Variants in PTPRN2 observed in about 807,000 individuals in gnomAD.
PTPRN2 encodes the protein protein tyrosine phosphatase receptor type N2, also known as receptor-type tyrosine-protein phosphatase N2.
PTPRN2 carries 74 observed loss-of-function variants against 118.8 expected under a neutral mutation model. That is an observed-to-expected ratio of 0.62 (90% CI 0.52 to 0.76). The LOEUF (loss-of-function observed/expected upper bound fraction) is 0.76. Among genes scored for constraint, PTPRN2 ranks in the 30% least tolerant of loss-of-function variants. The probability of loss-of-function intolerance (pLI) is 0.00; values close to 1 mark genes in which losing one functional copy is unlikely to be tolerated. For synonymous variants in PTPRN2, 641 were observed against 608.0 expected (o/e 1.05, Z -0.80); for missense variants, 1,481 against 1,394.4 (o/e 1.06, Z -0.99).
chr7:157,873,503 G>C (rs950852050), intron 12 of PTPRN2, among the ~76,000 whole-genome samples: 1 of 151,350 alleles, frequency 6.6e-6, no homozygotes, highest in African/African-American at 2.4e-5. Flanking sequence ...CCGTCTCGCC[G>C]TGGGGGCCGG....
At chr7:157,841,861 C>T (rs752886118) in intron 12 of PTPRN2, among the ~76,000 whole-genome samples, 9 of 151,976 alleles carry the variant, frequency 5.9e-5, no homozygotes, top group South Asian at 2.1e-4. Flanking sequence ...TTCCTTCCTG[C>T]GGGCCTGCAG....
intron 12 of PTPRN2, among the ~76,000 whole-genome samples, chr7:157,810,064 CA>C (rs1214146541): frequency 6.6e-6 from 1 of 152,208 alleles, no homozygotes; most frequent in Non-Finnish European, 1.5e-5. Flanking sequence ...GCAGAGAGGA[CA>C]GGGGAGCTTC....
chr7:158,219,487 A>G (rs1293025987), intron 3 of PTPRN2, among the ~76,000 whole-genome samples: 1 of 152,006 alleles, frequency 6.6e-6, no homozygotes, highest in Non-Finnish European at 1.5e-5. Context: ...AATTAACAAC[A>G]TAACATTACA....
chr7:157,582,095 AAAC>A (rs751050703), intron 17 of PTPRN2, among the ~76,000 whole-genome samples: 185 of 152,302 alleles, frequency 1.2e-3, no homozygotes, highest in Non-Finnish European at 1.9e-3. Context: ...TGTTGTTTTA[AAAC>A]AACGAGTTTG....
chr7:157,967,719 G>A (rs1802047397), intron 11 of PTPRN2, among the ~76,000 whole-genome samples: 1 of 152,180 alleles, frequency 6.6e-6, no homozygotes, highest in Admixed American at 6.6e-5. Context: ...TACCTAAAAA[G>A]AGAAAAACTC....
At chr7:157,543,464 C>T (rs1798109064) in intron 22 of PTPRN2, among the ~76,000 whole-genome samples, 2 of 152,206 alleles carry the variant, frequency 1.3e-5, no homozygotes. Context: ...CGCCCCTTCT[C>T]AGGCTGTCCT....
intron 2 of PTPRN2, among the ~76,000 whole-genome samples, chr7:158,417,243 C>T (rs1814748893): frequency 1.3e-5 from 2 of 152,076 alleles, no homozygotes; most frequent in Non-Finnish European, 2.9e-5. Flanking sequence ...TCTCAGTGTC[C>T]TGCTGTGTTA....
At position 157,858,117 on chromosome 7, in the gene PTPRN2, GCCACCACCCACA is replaced by G. The variant is rs1321804434; in HGVS notation, c.1788+40544_1788+40555del. Among the ~76,000 whole-genome samples the G allele has an allele frequency of 1.1e-3, 102 of 89,518 alleles. 1 individual carries two copies. Among genetic ancestry groups the G allele is most frequent in the African/African-American group, 2.4e-3 (51 of 20,856 alleles). 58.7% of individuals were successfully genotyped at this position (89,518 alleles called of 152,430 possible). A position where few individuals can be genotyped will look rare whatever the true frequency, so the allele number is the denominator to read the frequency against. ...ACACTCCTGCAGGGAGAGCCTCCCA[GCCACCACCCACA>G]CTCCTGCAGGGAGAGCCCCGTCACC... On this transcript the variant is annotated intron_variant, in intron 12 of 22. Transcript: ENST00000389418.
chr7:158,302,596 G>T (rs1344623510), intron 3 of PTPRN2, among the ~76,000 whole-genome samples: 1 of 152,230 alleles, frequency 6.6e-6, no homozygotes, highest in African/African-American at 2.4e-5. Context: ...AGGGCATGTA[G>T]GACCACCCTC....
chr7:157,652,258 C>T (rs1419139764), intron 14 of PTPRN2, among the ~76,000 whole-genome samples: 3 of 152,236 alleles, frequency 2.0e-5, no homozygotes, highest in African/African-American at 4.8e-5. Flanking sequence ...TCAGCACAAC[C>T]CCTTCCTCTC....
At chr7:157,650,792 G>C (rs911514885) in intron 14 of PTPRN2, among the ~76,000 whole-genome samples, 2 of 152,254 alleles carry the variant, frequency 1.3e-5, no homozygotes, top group Non-Finnish European at 2.9e-5. Context: ...GCTGCAGCTG[G>C]TGACTTGCAG....
At position 158,276,303 on chromosome 7, in the gene PTPRN2, C is replaced by T. The variant is rs542827778; in HGVS notation, c.277+40516G>A. 2.2e-3 allele frequency among the ~76,000 whole-genome samples: 161 copies of T among 71,700 alleles called. 15 individuals carry two copies. Among genetic ancestry groups the T allele is most frequent in the African/African-American group, 6.1e-3 (148 of 24,274 alleles). The allele number at this position is 71,700 out of a possible 152,430, so 47.0% of individuals were successfully genotyped here. A position where few individuals can be genotyped will look rare whatever the true frequency, so the allele number is the denominator to read the frequency against. On this transcript the variant is annotated intron_variant, in intron 3 of 22. Transcript: ENST00000389418. The stretch of plus-strand genomic sequence containing the variant: ...GCTGTAAGGCAGCACCCCCACACCC[C>T]GGCCCCGACAGGCTGTAATGTATCA...
chr7:158,550,162 T>G (rs989901054), intron 1 of PTPRN2, among the ~76,000 whole-genome samples: 4 of 152,146 alleles, frequency 2.6e-5, no homozygotes, highest in Non-Finnish European at 5.9e-5. Flanking sequence ...GGGGTGGAGA[T>G]TGACTCCTCG....
At chr7:158,506,411 C>T (rs544618358) in intron 1 of PTPRN2, among the ~76,000 whole-genome samples, 37 of 152,230 alleles carry the variant, frequency 2.4e-4, no homozygotes, top group East Asian at 1.9e-4. Context: ...TAAGTGACAC[C>T]GGCCACACAG....
intron 11 of PTPRN2, among the ~76,000 whole-genome samples, chr7:158,019,219 G>T (rs926450590): frequency 6.6e-6 from 1 of 152,222 alleles, no homozygotes; most frequent in African/African-American, 2.4e-5. Context: ...AGCTGCAGGG[G>T]CCTCCCCGAT....
At position 157,886,277 on chromosome 7, in the gene PTPRN2, C is replaced by A. The variant is rs578228831; in HGVS notation, c.1788+12396G>T. ...GCGGGAGACATCACCAAGTCCCCACCTCAGACAATAAGCCGTGTCCCTGCG... is the reference window on the plus strand; with the variant it reads ...GCGGGAGACATCACCAAGTCCCCACATCAGACAATAAGCCGTGTCCCTGCG... On this transcript the variant is annotated intron_variant, in intron 12 of 22. Coordinates refer to ENST00000389418, the MANE Select transcript of PTPRN2 (RefSeq NM_002847.5). 3.2e-4 allele frequency among the ~76,000 whole-genome samples: 48 copies of A among 152,276 alleles called. No homozygotes were observed. In the South Asian group the frequency reaches 4.2e-3, roughly 13 times the overall value.
intron 13 of PTPRN2, among the ~76,000 whole-genome samples, chr7:157,665,925 A>G (rs1796114534): frequency 6.6e-6 from 1 of 152,224 alleles, no homozygotes; most frequent in South Asian, 2.1e-4. Context: ...ATCGGTGGGA[A>G]GTGAACAATG....
At chr7:157,670,903 G>C (rs575998391) in intron 13 of PTPRN2, among the ~76,000 whole-genome samples, 1 of 152,160 alleles carries the variant, frequency 6.6e-6, no homozygotes, top group Non-Finnish European at 1.5e-5. Context: ...AGTAGAGAAC[G>C]GGCAGCTGTT....
At chr7:158,266,426 T>G (rs964417663) in intron 3 of PTPRN2, among the ~76,000 whole-genome samples, 2 of 149,130 alleles carry the variant, frequency 1.3e-5, no homozygotes, top group Non-Finnish European at 3.0e-5. Flanking sequence ...TGTCTGGCAG[T>G]GAGGCTGGGG....
Sources: allele counts gnomAD v4.1 joint callset (sites outside exome capture counted in the v4.1 genomes callset), GRCh38; gene constraint gnomAD v4.1.1; transcripts MANE v1.5; gene names NCBI Gene and HGNC (gene_info 2026-07-23, HGNC 2026-07-21).